Variants in ETV6 observed in about 807,000 individuals in gnomAD.
The protein encoded by ETV6 is ETS variant transcription factor 6.
A neutral mutation model predicts 51.1 loss-of-function variants in ETV6; 16 were observed. That is an observed-to-expected ratio of 0.31 (90% CI 0.21 to 0.48). The LOEUF (loss-of-function observed/expected upper bound fraction) is 0.48, where lower values mean the gene tolerates loss of function less well. Ranked by LOEUF, ETV6 falls within the 20% of genes least tolerant of loss-of-function variation. The pLI, the probability that ETV6 is intolerant of heterozygous loss-of-function variation, is 0.99. For missense variants in ETV6, 458 were observed against 594.8 expected, an observed-to-expected ratio of 0.77 and a Z score of 2.39; for synonymous variants, 240 against 224.1, an observed-to-expected ratio of 1.07 and a Z score of -0.64.
intron 2 of ETV6, among the ~76,000 whole-genome samples, chr12:11,776,168 T>C (rs1393828219): frequency 6.6e-6 from 1 of 152,214 alleles, no homozygotes. Context: ...GGTGATAGAA[T>C]TGATTCTTTA....
Position 11,892,079 on chromosome 12 carries a change from A to G in ETV6, c.*1033A>G, listed in dbSNP as rs1237419701. ...AGACCACACAGGCCCAGCAGTCCAG[A>G]AACTGGGCAAAAATATTCTGCAGTG... is the stretch of plus-strand genomic sequence containing the variant. On this transcript the variant is annotated 3_prime_UTR_variant, in exon 8 of 8. Coordinates refer to ENST00000396373, the MANE Select transcript of ETV6 (RefSeq NM_001987.5). 1 of 233,550 alleles carries G rather than the reference A, an allele frequency of 4.3e-6. No homozygotes were observed. The highest frequency in any genetic ancestry group is 1.8e-4 in the South Asian group (1 of 5,548). 14.5% of individuals were successfully genotyped at this position (233,550 alleles called of 1,614,324 possible).
intron 1 of ETV6, among the ~76,000 whole-genome samples, chr12:11,664,546 C>T (rs1005544946): frequency 5.3e-5 from 8 of 152,166 alleles, no homozygotes; most frequent in African/African-American, 1.4e-4. Flanking sequence ...CAAGTCACCT[C>T]TCTGTCATTC....
intron 2 of ETV6, among the ~76,000 whole-genome samples, chr12:11,777,670 A>G (rs1435230431): frequency 1.3e-5 from 2 of 151,688 alleles, no homozygotes; most frequent in African/African-American, 2.4e-5. Flanking sequence ...GGCCTTTCCC[A>G]TTTCCCATGC....
chr12:11,662,937 G>C (rs1401566200), intron 1 of ETV6, among the ~76,000 whole-genome samples: 1 of 152,194 alleles, frequency 6.6e-6, no homozygotes, highest in Non-Finnish European at 1.5e-5. Context: ...GAAACTTCTT[G>C]CTGCACACCA....
intron 5 of ETV6, among the ~76,000 whole-genome samples, chr12:11,879,569 G>T (rs746898889): frequency 6.6e-6 from 1 of 152,178 alleles, no homozygotes; most frequent in Non-Finnish European, 1.5e-5. Flanking sequence ...TGCGGATACC[G>T]AGGGTACCTC....
intron 1 of ETV6, among the ~76,000 whole-genome samples, chr12:11,675,187 C>T (rs1389514736): frequency 2.0e-5 from 3 of 152,168 alleles, no homozygotes; most frequent in Non-Finnish European, 4.4e-5. Context: ...CTGTAACCCC[C>T]AAGCACCTGT....
At chr12:11,688,635 G>A (rs542775199) in intron 1 of ETV6, among the ~76,000 whole-genome samples, 17 of 152,312 alleles carry the variant, frequency 1.1e-4, no homozygotes, top group Admixed American at 9.8e-4. Context: ...TTCCCCCTCA[G>A]GGCCCTCTTT....
rs186211565 is a variant in ETV6 at position 11,749,573 on chromosome 12, T to G, written c.34-2877T>G. On this transcript the variant is annotated intron_variant, in intron 1 of 7. Coordinates refer to ENST00000396373, the MANE Select transcript of ETV6 (RefSeq NM_001987.5). ...CTCCATCTGAGATAGTGGTATTTGG[T>G]TAATTTTTCCAATTGCTGATAGTCT... is the stretch of plus-strand genomic sequence containing the variant. 2.3e-4 allele frequency among the ~76,000 whole-genome samples: 35 copies of G among 152,332 alleles called. No homozygotes were observed. In the East Asian group the frequency reaches 5.8e-3, roughly 25 times the overall value.
At chr12:11,862,548 C>T (rs1451937291) in intron 4 of ETV6, among the ~76,000 whole-genome samples, 1 of 152,158 alleles carries the variant, frequency 6.6e-6, no homozygotes, top group African/African-American at 2.4e-5. Context: ...CCATGACTCT[C>T]TTCTCGTTTC....
rs145371251 is a variant in ETV6 at position 11,890,753 on chromosome 12, C to G, written c.1254-188C>G. Among the ~76,000 whole-genome samples the G allele has an allele frequency of 8.2e-4, 125 of 152,216 alleles. 1 individual carries two copies. The highest frequency in any genetic ancestry group is 2.9e-3 in the African/African-American group (120 of 41,534). On this transcript the variant is annotated intron_variant, in intron 7 of 7. Transcript: ENST00000396373. The stretch of plus-strand genomic sequence containing the variant: ...GTCTTTTTAAATAAGCATTTTACCA[C>G]TTTTTAGACAGTCAGAGAAAGGAGT...
At chr12:11,800,282 C>T (rs766147445) in intron 2 of ETV6, among the ~76,000 whole-genome samples, 2 of 152,268 alleles carry the variant, frequency 1.3e-5, no homozygotes, top group African/African-American at 2.4e-5. Context: ...ATTAATTTTT[C>T]ATTGGCAGAT....
intron 2 of ETV6, among the ~76,000 whole-genome samples, chr12:11,760,358 A>G (rs776505107): frequency 1.3e-5 from 2 of 152,194 alleles, no homozygotes; most frequent in Non-Finnish European, 2.9e-5. Context: ...GATAATGGAT[A>G]AAGAACTGTA....
chr12:11,658,787 C>T (rs933233686), intron 1 of ETV6, among the ~76,000 whole-genome samples: 2 of 152,186 alleles, frequency 1.3e-5, no homozygotes, highest in African/African-American at 4.8e-5. Flanking sequence ...TAGCAAATGC[C>T]TTTTGCATCT....
intron 1 of ETV6, among the ~76,000 whole-genome samples, chr12:11,651,913 C>T (rs1185157354): frequency 6.6e-6 from 1 of 152,140 alleles, no homozygotes; most frequent in Non-Finnish European, 1.5e-5. Flanking sequence ...TTTTGATGGG[C>T]TTATGGTGGT....
chr12:11,884,510 C>A lies in ETV6; in HGVS notation c.1075C>A (p.Arg359=), dbSNP rs141938078. 4.0e-3 allele frequency: 6,408 copies of A among 1,614,156 alleles called. 30 individuals carry two copies. Among genetic ancestry groups the A allele is most frequent in the Non-Finnish European group, 5.0e-3 (5,886 of 1,180,012 alleles). ...TGACAGCCGGTACGAAAACTTCATC[C>A]GATGGGAGGACAAAGAATCCAAAAT... ...LSDSRYENFI[R]WEDKESKIFR... Residue 359 remains arginine (R), a synonymous_variant, in exon 6 of 8, where the codon CGA becomes AGA. Coordinates refer to ENST00000396373, the MANE Select transcript of ETV6 (RefSeq NM_001987.5).
intron 1 of ETV6, among the ~76,000 whole-genome samples, chr12:11,730,519 G>A (rs1278584017): frequency 6.6e-6 from 1 of 152,222 alleles, no homozygotes; most frequent in East Asian, 1.9e-4. Context: ...GAGTTCTAAG[G>A]ACGGGTTGTC....
intron 1 of ETV6, among the ~76,000 whole-genome samples, chr12:11,685,321 A>AG (rs1864607182): frequency 6.8e-6 from 1 of 147,512 alleles, no homozygotes. Context: ...TGAACATTTC[A>AG]GAAAAAAAAA....
At chr12:11,796,561 A>G (rs1224352751) in intron 2 of ETV6, among the ~76,000 whole-genome samples, 1 of 152,174 alleles carries the variant, frequency 6.6e-6, no homozygotes, top group Non-Finnish European at 1.5e-5. Flanking sequence ...GTTTAGGGGC[A>G]TTAAAGACAC....
intron 1 of ETV6, among the ~76,000 whole-genome samples, chr12:11,719,886 G>C (rs1463970535): frequency 6.6e-6 from 1 of 152,188 alleles, no homozygotes; most frequent in East Asian, 1.9e-4. Flanking sequence ...CGGTCCTGTG[G>C]TGACGCCAAG....
Sources: gnomAD v4.1 joint callset for allele counts (sites outside exome capture counted in the v4.1 genomes callset) on GRCh38, gnomAD v4.1.1 for gene constraint, MANE v1.5 for transcripts, NCBI Gene and HGNC (gene_info 2026-07-23, HGNC 2026-07-21) for gene names.